Variants in PTPRG observed in about 807,000 individuals in gnomAD.
The protein encoded by PTPRG is protein tyrosine phosphatase receptor type G.
Under a neutral mutation model 165.3 loss-of-function variants are expected in PTPRG, and 102 were observed. That is an observed-to-expected ratio of 0.62 (90% confidence interval 0.53 to 0.73). The LOEUF (loss-of-function observed/expected upper bound fraction) is 0.73, where lower values mean the gene tolerates loss of function less well. PTPRG is among the 30% of genes least tolerant of loss of function. PTPRG has a pLI of 0.00. For synonymous variants in PTPRG, 675 were observed against 669.5 expected (o/e 1.01, Z -0.13); for missense variants, 1,866 against 1,861.4 (o/e 1.00, Z -0.05).
chr3:61,749,787 A>T (rs2106918618), intron 2 of PTPRG: 1 of 152,740 alleles, frequency 6.5e-6, no homozygotes, highest in African/African-American at 2.4e-5. Context: ...GCACTGAATA[A>T]TTCAAACTCC....
chr3:61,833,067 T>TTGTGTGTG (rs113069211), intron 2 of PTPRG, among the ~76,000 whole-genome samples: 4,788 of 146,848 alleles, frequency 0.033, 86 homozygotes, highest in African/African-American at 0.043. Flanking sequence ...TAGTATTCCA[T>TTGTGTGTG]TGTGTGTGTG....
At chr3:61,775,742 C>T (rs2034358626) in intron 2 of PTPRG, among the ~76,000 whole-genome samples, 1 of 152,042 alleles carries the variant, frequency 6.6e-6, no homozygotes, top group Non-Finnish European at 1.5e-5. Context: ...GAATACGATG[C>T]AGCCATAAAA....
At chr3:61,699,115 A>G (rs370781549) in intron 1 of PTPRG, among the ~76,000 whole-genome samples, 159 of 152,330 alleles carry the variant, frequency 1.0e-3, no homozygotes, top group African/African-American at 2.1e-3. Context: ...GCACATGTAT[A>G]CATATGTAAC....
chr3:61,998,271 A>C (rs2041086110), intron 3 of PTPRG, among the ~76,000 whole-genome samples: 1 of 152,136 alleles, frequency 6.6e-6, no homozygotes, highest in Admixed American at 6.5e-5. Context: ...CATAGCCTGG[A>C]GCGTCTTTAC....
At position 61,585,766 on chromosome 3, in the gene PTPRG, A is replaced by G. The variant is rs566247840; in HGVS notation, c.85+23394A>G. 2.0e-5 allele frequency among the ~76,000 whole-genome samples: 3 copies of G among 152,362 alleles called. No homozygotes were observed. The East Asian group carries it at 5.8e-4, about 29-fold the overall frequency. ...TGTCTCAAAAGAAAACAATATTAGG[A>G]CAATATTGCAAATATTAAAACATCT... On this transcript the variant is annotated intron_variant, in intron 1 of 29. Coordinates refer to ENST00000474889, the MANE Select transcript of PTPRG (RefSeq NM_002841.4).
Position 61,956,080 on chromosome 3 carries a change from G to C in PTPRG, c.191-33545G>C, listed in dbSNP as rs1479620832. Among the ~76,000 whole-genome samples, 9 of 139,274 alleles carry C rather than the reference G, an allele frequency of 6.5e-5. No individual in the cohort carries two copies. In the Admixed American group the frequency reaches 6.5e-4, roughly 10 times the overall value. The allele number at this position is 139,274 out of a possible 152,430, so 91.4% of individuals were successfully genotyped here. A position where few individuals can be genotyped will look rare whatever the true frequency, so the allele number is the denominator to read the frequency against. On this transcript the variant is annotated intron_variant, in intron 2 of 29. Transcript: ENST00000474889. ...AAAATGAAAGAGCATGTGGACTAAG[G>C]GGAAAAAAATTATATATATATATAT...
chr3:61,893,411 A>G lies in PTPRG; in HGVS notation c.191-96214A>G, dbSNP rs546321546. 8.5e-5 allele frequency among the ~76,000 whole-genome samples: 13 copies of G among 152,340 alleles called. No individual in the cohort carries two copies. The South Asian group carries it at 1.0e-3, about 12-fold the overall frequency. On this transcript the variant is annotated intron_variant, in intron 2 of 29. Coordinates refer to ENST00000474889, the MANE Select transcript of PTPRG (RefSeq NM_002841.4). Reference sequence around the variant, plus strand: ...ACCCCATAAGGTAGTCAATGTCAATATCTCTTTTTAGCATTTTGGGCAAAG... The same window carrying G: ...ACCCCATAAGGTAGTCAATGTCAATGTCTCTTTTTAGCATTTTGGGCAAAG...
chr3:62,212,725 T>C (rs1700392610), intron 12 of PTPRG, among the ~76,000 whole-genome samples: 1 of 152,200 alleles, frequency 6.6e-6, no homozygotes, highest in Non-Finnish European at 1.5e-5. Context: ...GTGTGCCGCT[T>C]GGTTCCAACT....
intron 2 of PTPRG, among the ~76,000 whole-genome samples, chr3:61,766,084 G>A (rs1320893433): frequency 2.0e-5 from 3 of 152,164 alleles, no homozygotes; most frequent in African/African-American, 7.2e-5. Context: ...CCTATTGCAG[G>A]TCTACGAGGA....
chr3:62,031,994 G>C (rs566420008), intron 4 of PTPRG, among the ~76,000 whole-genome samples: 81 of 152,304 alleles, frequency 5.3e-4, no homozygotes, highest in African/African-American at 1.9e-3. Flanking sequence ...ACACAAGTCA[G>C]AACTGGAAAT....
intron 1 of PTPRG, among the ~76,000 whole-genome samples, chr3:61,730,125 A>C (rs891838506): frequency 6.6e-6 from 1 of 152,160 alleles, no homozygotes; most frequent in Non-Finnish European, 1.5e-5. Flanking sequence ...CGGGGCATGT[A>C]AGTTGCTGGT....
intron 5 of PTPRG, among the ~76,000 whole-genome samples, chr3:62,082,150 T>C (rs535243326): frequency 1.6e-4 from 25 of 152,364 alleles, no homozygotes; most frequent in South Asian, 1.0e-3. Flanking sequence ...TCTGCAGAGA[T>C]ACCAGTAGTC....
At chr3:62,059,773 G>A (rs1233607720) in intron 4 of PTPRG, among the ~76,000 whole-genome samples, 1 of 152,098 alleles carries the variant, frequency 6.6e-6, no homozygotes, top group Non-Finnish European at 1.5e-5. Context: ...GAATTATGGG[G>A]GCCGTTACTC....
rs765996492 is a variant in PTPRG at position 61,989,713 on chromosome 3, G to A, written c.279G>A (p.Ala93=). Residue 93 remains alanine (A), a synonymous_variant, in exon 3 of 30, where the codon GCG becomes GCA. Transcript: ENST00000474889. ...CTATTGACATTTTAGACCAGTATGC[G>A]CGTGTTGGGGAAGAATACCAGGAAC... ...QSPIDILDQY[A]RVGEEYQELQ... 6.8e-5 allele frequency: 110 copies of A among 1,614,032 alleles called. No homozygotes were observed. Among genetic ancestry groups the A allele is most frequent in the Non-Finnish European group, 8.2e-5 (97 of 1,180,022 alleles).
chr3:62,251,254 G>A (rs546230981), intron 15 of PTPRG, among the ~76,000 whole-genome samples: 1 of 151,958 alleles, frequency 6.6e-6, no homozygotes, highest in Non-Finnish European at 1.5e-5. Flanking sequence ...GTGTGGTGAC[G>A]TGGGCCTGTA....
At chr3:61,950,247 C>T (rs1308683503) in intron 2 of PTPRG, among the ~76,000 whole-genome samples, 2 of 152,202 alleles carry the variant, frequency 1.3e-5, no homozygotes, top group South Asian at 2.1e-4. Context: ...AGCTCTCCCC[C>T]ATCTGACTTT....
rs1293819369 is a variant in PTPRG, at chr3:62,213,535, G to T, written c.2156-5316G>T. 6.6e-6 allele frequency among the ~76,000 whole-genome samples: 1 copy of T among 152,036 alleles called. No homozygotes were observed. Among genetic ancestry groups the T allele is most frequent in the African/African-American group, 2.4e-5 (1 of 41,392 alleles). On this transcript the variant is annotated intron_variant, in intron 12 of 29. Transcript: ENST00000474889. This position sits in a 1 kb window ranked among gnomAD's most constrained non-coding sequence, Gnocchi z 4.4. ...CCCCGAGAGGTGAGTGTTACCATTTGTCTCCCTTTGATACAGGAGTGAACA... is the reference window on the plus strand; with the variant it reads ...CCCCGAGAGGTGAGTGTTACCATTTTTCTCCCTTTGATACAGGAGTGAACA...
rs773021074 is a variant in PTPRG, at chr3:62,218,866, C to T, written c.2171C>T (p.Ser724Phe). ...CTCTTGGCAGCGGAAAAAAACACCT[C>T]TGGAATGATAAGCCGCCCTGCTCCA... is the stretch of plus-strand genomic sequence containing the variant. ...ITVNPAEKNTSGMISRPAPGR... is the reference protein window; with the variant it reads ...ITVNPAEKNTFGMISRPAPGR... Residue 724 changes from serine to phenylalanine, a missense_variant, in exon 13 of 30, where the codon TCT becomes TTT. Around this residue, in one of 3 missense-constraint regions of PTPRG, gnomAD observed 1,452 missense variants for 1,463.0 expected, o/e 0.99. Transcript: ENST00000474889. 2 of 1,613,856 alleles carry T rather than the reference C, an allele frequency of 1.2e-6. No individual in the cohort carries two copies. Among genetic ancestry groups the T allele is most frequent in the Admixed American group, 1.7e-5 (1 of 60,006 alleles).
chr3:62,142,414 A>G (rs550760211), intron 6 of PTPRG, among the ~76,000 whole-genome samples: 1 of 152,272 alleles, frequency 6.6e-6, no homozygotes, highest in African/African-American at 2.4e-5. Flanking sequence ...AGTGTTGGTC[A>G]CACACCCACA....
Sources: allele counts gnomAD v4.1 joint callset (sites outside exome capture counted in the v4.1 genomes callset), GRCh38; gene constraint gnomAD v4.1.1; regional missense constraint gnomAD v4.1.1; non-coding constraint Gnocchi (gnomAD v3.1); transcripts MANE v1.5; gene names NCBI Gene and HGNC (gene_info 2026-07-23, HGNC 2026-07-21).